Variants in ZNF708 observed in about 807,000 individuals in gnomAD.
ZNF708 encodes the protein zinc finger protein 708.
ZNF708 carries 44 observed loss-of-function variants against 47.0 expected under a neutral mutation model. That is an observed-to-expected ratio of 0.94 (90% CI 0.74 to 1.20). The LOEUF (loss-of-function observed/expected upper bound fraction) is 1.20, where lower values mean the gene tolerates loss of function less well. ZNF708 is among the 50% of genes most tolerant of loss of function. The pLI, the probability that ZNF708 is intolerant of heterozygous loss-of-function variation, is 0.00. For synonymous variants in ZNF708, 184 were observed against 218.5 expected (o/e 0.84, Z 1.39); for missense variants, 557 against 656.0 (o/e 0.85, Z 1.65).
intron 1 of ZNF708, among the ~76,000 whole-genome samples, chr19:21,328,684 A>C (rs1285508631): frequency 3.3e-5 from 5 of 152,216 alleles, no homozygotes; most frequent in Non-Finnish European, 5.9e-5. Context: ...TTCATCATGC[A>C]CCTTATAAAA....
chr19:21,320,768 TAAAAAAAAAAA>T (rs55662605), intron 1 of ZNF708, among the ~76,000 whole-genome samples: 1 of 111,918 alleles, frequency 8.9e-6, no homozygotes, highest in African/African-American at 3.5e-5. Flanking sequence ...CTCTGGCCAT[TAAAAAAAAAAA>T]AAAAAAAAGA....
intron 3 of ZNF708, among the ~76,000 whole-genome samples, chr19:21,308,622 G>A (rs531812227): frequency 8.5e-5 from 13 of 152,134 alleles, no homozygotes; most frequent in African/African-American, 2.9e-4. Context: ...TGTTGCCCAG[G>A]TTGGTATCCA....
rs963096981 is a variant in ZNF708 at position 21,297,955 on chromosome 19, T to C, written c.227-3216A>G. The stretch of plus-strand genomic sequence containing the variant: ...AGTAGTTTCATTTACTGGGAACAAA[T>C]GACTAGTGTGTGTGTGTGTGTGTGT... On this transcript the variant is annotated intron_variant, in intron 3 of 3. Coordinates refer to ENST00000356929, the MANE Select transcript of ZNF708 (RefSeq NM_021269.3). Among the ~76,000 whole-genome samples the C allele has an allele frequency of 3.8e-4, 37 of 97,038 alleles. 1 individual carries two copies. Among genetic ancestry groups the C allele is most frequent in the Admixed American group, 1.7e-3 (15 of 8,922 alleles). The allele number at this position is 97,038 out of a possible 152,430, so 63.7% of individuals were successfully genotyped here.
rs1366100529 is a variant in ZNF708, at chr19:21,293,969, C to A, written c.997G>T (p.Glu333Ter). ...CATTCTTCACATTTGTAGGGTTTCT[C>A]ACCAGTATGAATCCTCTTATGTGTA... The part of the protein sequence containing the change: ...LTTHKRIHTG[E>*]KPYKCEECGK... Residue 333 changes from glutamate to a stop codon, truncating the protein, a stop_gained, in exon 4 of 4, where the codon GAG becomes TAG. Coordinates refer to ENST00000356929, the MANE Select transcript of ZNF708 (RefSeq NM_021269.3). LOFTEE classifies it high-confidence loss of function. 10 of 1,612,674 alleles carry A rather than the reference C, an allele frequency of 6.2e-6. No individual in the cohort carries two copies. The highest frequency in any genetic ancestry group is 1.7e-4 in the Middle Eastern group (1 of 6,042).
chr19:21,314,382 G>A (rs1228879266), intron 1 of ZNF708, among the ~76,000 whole-genome samples: 1 of 148,290 alleles, frequency 6.7e-6, no homozygotes, highest in Non-Finnish European at 1.5e-5. Context: ...ATTATTAGAA[G>A]ATAAATATGT....
chr19:21,317,948 T>C (rs754521634), intron 1 of ZNF708, among the ~76,000 whole-genome samples: 3 of 152,200 alleles, frequency 2.0e-5, no homozygotes, highest in Non-Finnish European at 4.4e-5. Context: ...TTTTTGGTTA[T>C]TTACACTTTA....
At chr19:21,312,023 G>A (rs996339179) in intron 1 of ZNF708, among the ~76,000 whole-genome samples, 20 of 152,224 alleles carry the variant, frequency 1.3e-4, no homozygotes, top group Admixed American at 5.9e-4. Context: ...GGCCAGGTGC[G>A]GTGGCTCAAG....
chr19:21,309,289 C>A lies in ZNF708; in HGVS notation c.183G>T (p.Glu61Asp), dbSNP rs1305017858. Reference sequence around the variant, plus strand: ...TCTCGTGTCTCTTCATATTCCAGGGCTCTTTTCCTTGCTCCAGACAGGTGA... The same window carrying A: ...TCTCGTGTCTCTTCATATTCCAGGGATCTTTTCCTTGCTCCAGACAGGTGA... ...DLITCLEQGK[E>D]PWNMKRHEMA... is the part of the protein sequence containing the mutation. Residue 61 changes from glutamate to aspartate, a missense_variant, in exon 3 of 4, where the codon GAG (glutamate) becomes GAT (aspartate). Physicochemically the swap from Glu to Asp is conservative, Grantham distance 45. Transcript: ENST00000356929. 3.1e-6 allele frequency: 5 copies of A among 1,604,926 alleles called. No individual in the cohort carries two copies. Among genetic ancestry groups the A allele is most frequent in the Non-Finnish European group, 3.4e-6 (4 of 1,175,006 alleles).
chr19:21,312,144 A>G (rs530617565), intron 1 of ZNF708, among the ~76,000 whole-genome samples: 1 of 152,090 alleles, frequency 6.6e-6, no homozygotes, highest in African/African-American at 2.4e-5. Flanking sequence ...AAAACACAAA[A>G]ATTAGCTGGG....
Position 21,293,318 on chromosome 19 carries a change from G to A in ZNF708, c.1648C>T (p.His550Tyr). Reference sequence around the variant, plus strand: ...TTCTCTTTGGTATGAATTCTCTTATGTTTAGTAAGGTTTGGGGACTGGTTA... The same window carrying A: ...TTCTCTTTGGTATGAATTCTCTTATATTTAGTAAGGTTTGGGGACTGGTTA... ...AFNQSPNLTKHKRIHTKEKPY... is the reference protein window; with the variant it reads ...AFNQSPNLTKYKRIHTKEKPY... The change falls in exon 4 of 4, where the codon CAT becomes TAT. Residue 550 changes from histidine to tyrosine, a missense_variant. Transcript: ENST00000356929. 3.7e-6 allele frequency: 6 copies of A among 1,612,362 alleles called. No homozygotes were observed. The South Asian group carries it at 5.5e-5, about 15-fold the overall frequency.
intron 1 of ZNF708, among the ~76,000 whole-genome samples, chr19:21,326,394 AT>A (rs1973256504): frequency 6.6e-6 from 1 of 152,220 alleles, no homozygotes; most frequent in Non-Finnish European, 1.5e-5. Flanking sequence ...TAAAAAATGA[AT>A]TAACAGCATT....
intron 1 of ZNF708, among the ~76,000 whole-genome samples, chr19:21,327,424 C>T (rs1015786096): frequency 2.6e-5 from 4 of 151,396 alleles, no homozygotes; most frequent in Admixed American, 2.0e-4. Flanking sequence ...CCCAGCTACT[C>T]GGGTGGCTGA....
At position 21,293,128 on chromosome 19, in the gene ZNF708, C is replaced by CT; in HGVS notation, c.*145dup. The CT allele has an allele frequency of 9.5e-7, 1 of 1,055,644 alleles. No individual in the cohort carries two copies. Among genetic ancestry groups the CT allele is most frequent in the Non-Finnish European group, 1.4e-6 (1 of 710,058 alleles). The allele number at this position is 1,055,644 out of a possible 1,614,324, so 65.4% of individuals were successfully genotyped here. A position where few individuals can be genotyped will look rare whatever the true frequency, so the allele number is the denominator to read the frequency against. On this transcript the variant is annotated 3_prime_UTR_variant, in exon 4 of 4. Transcript: ENST00000356929. ...CATTCTTTACATTTGTAGGGTTTCTCTCTAGTATGAATTATCTTTTGTTTC... is the reference window on the plus strand; with the variant it reads ...CATTCTTTACATTTGTAGGGTTTCTCTTCTAGTATGAATTATCTTTTGTTTC...
chr19:21,294,872 A>C (rs953446001), intron 3 of ZNF708, 133 bp from the exon 4 acceptor site: 1 of 903,816 alleles, frequency 1.1e-6, no homozygotes, highest in African/African-American at 1.7e-5. Flanking sequence ...TTATAGACAT[A>C]TAAATGTAAC....
At chr19:21,297,031 G>A (rs1345452406) in intron 3 of ZNF708, among the ~76,000 whole-genome samples, 2 of 151,512 alleles carry the variant, frequency 1.3e-5, no homozygotes, top group Non-Finnish European at 2.9e-5. Flanking sequence ...TACTTGGGAG[G>A]CTGAGGCAGG....
chr19:21,321,543 C>G (rs1208739970), intron 1 of ZNF708, among the ~76,000 whole-genome samples: 3 of 145,566 alleles, frequency 2.1e-5, no homozygotes, highest in Non-Finnish European at 3.0e-5. Flanking sequence ...GATCATGCCA[C>G]TGCATTCCAG....
chr19:21,322,454 A>C (rs1222345916), intron 1 of ZNF708, among the ~76,000 whole-genome samples: 1 of 152,080 alleles, frequency 6.6e-6, no homozygotes, highest in Non-Finnish European at 1.5e-5. Context: ...AGAACGCACC[A>C]CCATGCCCAG....
chr19:21,321,615 G>C (rs961888312), intron 1 of ZNF708, among the ~76,000 whole-genome samples: 12 of 132,432 alleles, frequency 9.1e-5, no homozygotes, highest in Non-Finnish European at 1.9e-4. Context: ...GAAGGGAAGG[G>C]AGAGGATGGG....
chr19:21,296,304 C>T (rs1271129872), intron 3 of ZNF708, among the ~76,000 whole-genome samples: 1 of 151,998 alleles, frequency 6.6e-6, no homozygotes, highest in Non-Finnish European at 1.5e-5. Context: ...AGTTCGAGAC[C>T]AGTCTAGCTA....
Sources: gnomAD v4.1 joint callset for allele counts (sites outside exome capture counted in the v4.1 genomes callset) on GRCh38, gnomAD v4.1.1 for gene constraint, MANE v1.5 for transcripts, NCBI Gene and HGNC (gene_info 2026-07-23, HGNC 2026-07-21) for gene names.